The following TESK2 variants were observed in gnomAD, a reference collection of about 807,000 sequenced individuals.
TESK2 encodes the protein testis associated actin remodelling kinase 2.
TESK2 carries 39 observed loss-of-function variants against 57.1 expected under a neutral mutation model. The ratio of observed to expected loss-of-function variants is 0.68; its 90% CI spans 0.53 to 0.89. The LOEUF (loss-of-function observed/expected upper bound fraction) is 0.89. TESK2 is among the 40% of genes least tolerant of loss of function. The pLI, the probability that TESK2 is intolerant of heterozygous loss-of-function variation, is 0.00. For missense variants in TESK2, 646 were observed against 732.1 expected (o/e 0.88, Z 1.36); for synonymous variants, 249 against 267.9 (o/e 0.93, Z 0.69).
chr1:45,388,717 CTTT>C (rs34109075), intron 3 of TESK2, among the ~76,000 whole-genome samples: 4 of 102,740 alleles, frequency 3.9e-5, no homozygotes, highest in Non-Finnish European at 5.7e-5. Context: ...AGAGGTACGG[CTTT>C]TTTTTTTTTT....
chr1:45,467,301 CTT>C (rs1280519087), intron 1 of TESK2, among the ~76,000 whole-genome samples: 1 of 151,636 alleles, frequency 6.6e-6, no homozygotes, highest in Non-Finnish European at 1.5e-5. Context: ...ATACTGTACT[CTT>C]TTCTGCATTT....
intron 5 of TESK2, among the ~76,000 whole-genome samples, chr1:45,353,660 C>T (rs906794413): frequency 6.6e-6 from 1 of 152,184 alleles, no homozygotes; most frequent in African/African-American, 2.4e-5. Context: ...AGGTACAAAA[C>T]TCTTATACAC....
chr1:45,384,604 T>TTATTTA, intron 4 of TESK2, among the ~76,000 whole-genome samples: 1 of 68,328 alleles, frequency 1.5e-5, no homozygotes, highest in African/African-American at 5.6e-5. Flanking sequence ...TTTTTTTTTT[T>TTATTTA]TTTTTTTTTT....
intron 1 of TESK2, among the ~76,000 whole-genome samples, chr1:45,470,565 G>A (rs1385701383): frequency 1.3e-5 from 2 of 152,182 alleles, no homozygotes; most frequent in African/African-American, 4.8e-5. Context: ...TCTTAAAAGT[G>A]TATTAGCTCT....
intron 4 of TESK2, 124 bp downstream of exon 4, chr1:45,385,788 G>T: frequency 2.2e-6 from 1 of 452,126 alleles, no homozygotes; most frequent in Non-Finnish European, 4.0e-6. Flanking sequence ...TATTAACACT[G>T]CCATTTTTGC....
chr1:45,392,859 C>T (rs186391023), intron 3 of TESK2, among the ~76,000 whole-genome samples: 5 of 152,274 alleles, frequency 3.3e-5, no homozygotes, highest in Admixed American at 3.3e-4. Context: ...TTTAAGAGTA[C>T]AGATCTTGTC....
chr1:45,387,489 T>C lies in TESK2; in HGVS notation c.345-1529A>G, dbSNP rs183460570. Among the ~76,000 whole-genome samples the C allele has an allele frequency of 3.9e-5, 6 of 151,998 alleles. No individual in the cohort carries two copies. The East Asian group carries it at 1.2e-3, about 29-fold the overall frequency. ...GTTCTAGTTTAGAAGAGCAAAGGAATGGGAAGAGACTGACTACAAGCAGAG... is the reference window on the plus strand; with the variant it reads ...GTTCTAGTTTAGAAGAGCAAAGGAACGGGAAGAGACTGACTACAAGCAGAG... On this transcript the variant is annotated intron_variant, in intron 3 of 10. Coordinates refer to ENST00000372086, the MANE Select transcript of TESK2 (RefSeq NM_007170.3).
At chr1:45,348,582 C>A (rs924334298) in intron 5 of TESK2, among the ~76,000 whole-genome samples, 5 of 152,236 alleles carry the variant, frequency 3.3e-5, no homozygotes, top group Non-Finnish European at 7.3e-5. Context: ...ATGCACATAT[C>A]CTCATCCAAA....
intron 3 of TESK2, among the ~76,000 whole-genome samples, chr1:45,396,860 C>T (rs924314772): frequency 7.0e-6 from 1 of 143,702 alleles, no homozygotes; most frequent in African/African-American, 2.6e-5. Flanking sequence ...GCTCTGTTGC[C>T]CAGGCTGGAG....
intron 1 of TESK2, among the ~76,000 whole-genome samples, chr1:45,482,525 AAAAT>A (rs1017394122): frequency 1.3e-5 from 2 of 151,952 alleles, no homozygotes; most frequent in African/African-American, 4.8e-5. Context: ...CTGTCTCAAA[AAAAT>A]AAATAAATAA....
chr1:45,395,505 GTAGT>G (rs1396549180), intron 3 of TESK2, among the ~76,000 whole-genome samples: 2 of 151,984 alleles, frequency 1.3e-5, no homozygotes, highest in East Asian at 1.9e-4. Flanking sequence ...CTGCATTACT[GTAGT>G]TAGATTCTAC....
chr1:45,450,773 T>C (rs1443057264), intron 2 of TESK2, among the ~76,000 whole-genome samples: 1 of 151,926 alleles, frequency 6.6e-6, no homozygotes, highest in Admixed American at 6.6e-5. Flanking sequence ...TTTTCTTTTT[T>C]TTTAAATTTT....
rs549019875 is a variant in TESK2, at chr1:45,345,498, T to A, written c.1058A>T (p.His353Leu). 2.5e-6 allele frequency: 4 copies of A among 1,613,960 alleles called. No homozygotes were observed. The highest frequency in any genetic ancestry group is 3.4e-6 in the Non-Finnish European group (4 of 1,180,012). The change falls in exon 11 of 11, where the codon CAC (histidine) becomes CTC (leucine). Residue 353 changes from histidine (H) to leucine (L), a missense_variant. By Grantham distance (99) the His-to-Leu change is moderately conservative. Coordinates refer to ENST00000372086, the MANE Select transcript of TESK2 (RefSeq NM_007170.3). ...RLSSLDDKIPHKSPCPRRTIW... is the reference protein window; with the variant it reads ...RLSSLDDKIPLKSPCPRRTIW... ...GGTACGTCTTGGGCATGGTGACTTG[T>A]GGGGGATCTTGTCATCCAGTGAGCT...
intron 3 of TESK2, 76 bp downstream of exon 3, chr1:45,421,649 T>A: frequency 6.4e-7 from 1 of 1,572,830 alleles, no homozygotes; most frequent in Non-Finnish European, 8.7e-7. Context: ...CCTCCTTTTT[T>A]TCCTATTAGT....
intron 3 of TESK2, among the ~76,000 whole-genome samples, chr1:45,411,577 C>T (rs769150562): frequency 1.3e-5 from 2 of 152,112 alleles, no homozygotes; most frequent in African/African-American, 4.8e-5. Flanking sequence ...AGGCTGATAC[C>T]GGTCCATAAC....
rs796538979 is a variant in TESK2 at position 45,402,870 on chromosome 1, C to T, written c.345-16910G>A. On this transcript the variant is annotated intron_variant, in intron 3 of 10. Coordinates refer to ENST00000372086, the MANE Select transcript of TESK2 (RefSeq NM_007170.3). ...AGAAAGGGACCTGTAACGTACTCTA[C>T]CAGACTCCACTAACCTTTAACACGT... 2.9e-4 allele frequency among the ~76,000 whole-genome samples: 44 copies of T among 152,126 alleles called. 1 individual carries two copies. The highest frequency in any genetic ancestry group is 1.1e-3 in the African/African-American group (44 of 41,508).
intron 4 of TESK2, among the ~76,000 whole-genome samples, chr1:45,384,784 C>T (rs1648824059): frequency 6.6e-6 from 1 of 151,492 alleles, no homozygotes; most frequent in Non-Finnish European, 1.5e-5. Flanking sequence ...ATTATTATCC[C>T]CATTATACAG....
chr1:45,391,263 G>A (rs1433887406), intron 3 of TESK2, among the ~76,000 whole-genome samples: 1 of 148,454 alleles, frequency 6.7e-6, no homozygotes, highest in Non-Finnish European at 1.5e-5. Context: ...TGTTGTCCAG[G>A]CTGGAGTACA....
intron 1 of TESK2, among the ~76,000 whole-genome samples, chr1:45,486,329 T>C (rs180984640): frequency 1.3e-3 from 196 of 152,296 alleles, no homozygotes; most frequent in African/African-American, 4.4e-3. Flanking sequence ...CAAAATGAAA[T>C]GTATGACACT....
Sources: gnomAD v4.1 joint callset for allele counts (sites outside exome capture counted in the v4.1 genomes callset) on GRCh38, gnomAD v4.1.1 for gene constraint, MANE v1.5 for transcripts, NCBI Gene and HGNC (gene_info 2026-07-23, HGNC 2026-07-21) for gene names.